The following UBN1 variants were observed in gnomAD, a reference collection of about 807,000 sequenced individuals.
UBN1 encodes the protein ubinuclein-1.
A neutral mutation model predicts 108.5 loss-of-function variants in UBN1; 17 were observed. The ratio of observed to expected loss-of-function variants is 0.16; its 90% CI spans 0.11 to 0.24. The LOEUF (loss-of-function observed/expected upper bound fraction) is 0.24. Among genes scored for constraint, UBN1 ranks in the 10% least tolerant of loss-of-function variants. UBN1 has a pLI of 1.00. For missense variants in UBN1, 1,595 were observed against 1,394.4 expected, an observed-to-expected ratio of 1.14 and a Z score of -2.29; for synonymous variants, 726 against 564.2, an observed-to-expected ratio of 1.29 and a Z score of -4.07.
rs1231240985 is a variant in UBN1, at chr16:4,875,351, A to G, written c.2941A>G (p.Thr981Ala). The change falls in exon 15 of 18, where the codon ACC becomes GCC. Residue 981 changes from threonine (T) to alanine (A), a missense_variant. By Grantham distance (58) the Thr-to-Ala change is moderately conservative. Around this residue, in one of 3 missense-constraint regions of UBN1, gnomAD observed 1,398 missense variants for 1,194.7 expected, o/e 1.17. Coordinates refer to ENST00000262376, the MANE Select transcript of UBN1 (RefSeq NM_001079514.3). ...TCCAAACGGAGATTCCAGTGGTGGG[A>G]CCCAGGGAGTGGCAAAGTTGCTGAC... ...GGPNGDSSGG[T>A]QGVAKLLTSP... The G allele has an allele frequency of 1.2e-6, 2 of 1,614,152 alleles. No homozygotes were observed. Among genetic ancestry groups the G allele is most frequent in the Non-Finnish European group, 1.7e-6 (2 of 1,180,026 alleles).
chr16:4,870,308 C>G lies in UBN1; in HGVS notation c.1278C>G (p.Leu426=), dbSNP rs1303778040. ...SFLPCSKDAL[L]KRARKLHLYE... is the part of the protein sequence containing the mutation. ...TGCCCTGCAGCAAGGATGCCCTGCT[C>G]AAGCGTGCTCGGAAACTTCACCTCT... is the stretch of plus-strand genomic sequence containing the variant. The change falls in exon 9 of 18, where the codon CTC becomes CTG. Residue 426 remains leucine (L), a synonymous_variant. Coordinates refer to ENST00000262376, the MANE Select transcript of UBN1 (RefSeq NM_001079514.3). 1 of 1,614,210 alleles carries G rather than the reference C, an allele frequency of 6.2e-7. No homozygotes were observed. Among genetic ancestry groups the G allele is most frequent in the Non-Finnish European group, 8.5e-7 (1 of 1,180,036 alleles).
At position 4,877,459 on chromosome 16, in the gene UBN1, C is replaced by A; in HGVS notation, c.3340C>A (p.Pro1114Thr). The part of the protein sequence containing the change: ...LPHAAVPTHI[P>T]QSLPGASQLH... ...ACACGCTGCGGTGCCCACCCATATC[C>A]CGCAGAGTCTGCCAGGTAATCACCC... Residue 1114 changes from proline to threonine, a missense_variant, in exon 17 of 18, where the codon CCG becomes ACG. Around this residue, in one of 3 missense-constraint regions of UBN1, gnomAD observed 1,398 missense variants for 1,194.7 expected, o/e 1.17. Transcript: ENST00000262376. This position sits in a 1 kb window ranked among gnomAD's most constrained non-coding sequence, Gnocchi z 4.3. 2 of 1,611,120 alleles carry A rather than the reference C, an allele frequency of 1.2e-6. No individual in the cohort carries two copies. The highest frequency in any genetic ancestry group is 1.7e-6 in the Non-Finnish European group (2 of 1,179,390).
rs2087562196 is a variant in UBN1, at chr16:4,870,309, A to C, written c.1279A>C (p.Lys427Gln). The part of the protein sequence containing the change: ...FLPCSKDALL[K>Q]RARKLHLYEQ... The stretch of plus-strand genomic sequence containing the variant: ...GCCCTGCAGCAAGGATGCCCTGCTC[A>C]AGCGTGCTCGGAAACTTCACCTCTA... The change falls in exon 9 of 18, where the codon AAG becomes CAG. Residue 427 changes from lysine (K) to glutamine (Q), a missense_variant. Around this residue, in one of 3 missense-constraint regions of UBN1, gnomAD observed 1,398 missense variants for 1,194.7 expected, o/e 1.17. Transcript: ENST00000262376. 6.2e-7 allele frequency: 1 copy of C among 1,614,168 alleles called. No homozygotes were observed. Among genetic ancestry groups the C allele is most frequent in the South Asian group, 1.1e-5 (1 of 91,080 alleles).
At chr16:4,871,635 G>A (rs2087641596) in intron 12 of UBN1, among the ~76,000 whole-genome samples, 1 of 136,864 alleles carries the variant, frequency 7.3e-6, no homozygotes, top group South Asian at 2.3e-4. Flanking sequence ...TGCCTGGGCT[G>A]GAGTGCAGTG....
intron 17 of UBN1, 23 bp from the exon 18 acceptor site, chr16:4,880,060 T>A: frequency 1.2e-6 from 2 of 1,613,932 alleles, no homozygotes; most frequent in Non-Finnish European, 1.7e-6. Context: ...ACTTGCGTTC[T>A]AATTTTTCTT....
chr16:4,876,867 C>G lies in UBN1; in HGVS notation c.3025-4C>G. On this transcript the variant is annotated splice_region_variant and splice_polypyrimidine_tract_variant and intron_variant, in intron 15 of 17. Transcript: ENST00000262376. ...TCTTACCGCTTGCTGTGTTTCTTCCCTAGAAAGGAGCGAGTGGGACTGTGC... is the reference window on the plus strand; with the variant it reads ...TCTTACCGCTTGCTGTGTTTCTTCCGTAGAAAGGAGCGAGTGGGACTGTGC... The G allele has an allele frequency of 1.9e-6, 3 of 1,579,520 alleles. No homozygotes were observed. Among genetic ancestry groups the G allele is most frequent in the Middle Eastern group, 1.7e-4 (1 of 5,878 alleles).
At chr16:4,859,841 CTG>C (rs1454534995) in intron 5 of UBN1, 22 bp from the exon 6 acceptor site, 2 of 1,613,498 alleles carry the variant, frequency 1.2e-6, no homozygotes, top group South Asian at 1.1e-5. Context: ...AGCCGTGTAA[CTG>C]TGCCTTGTCT....
rs1205766640 is a variant in UBN1 at position 4,865,953 on chromosome 16, C to G, written c.1111-2880C>G. Among the ~76,000 whole-genome samples, 2 of 152,088 alleles carry G rather than the reference C, an allele frequency of 1.3e-5. 1 individual carries two copies. Among genetic ancestry groups the G allele is most frequent in the South Asian group, 4.1e-4 (2 of 4,820 alleles). ...CTCCAGCCTGGGCAACAGAACAAGA[C>G]TCCGTCTCAAAAACTAAACTAAAAT... On this transcript the variant is annotated intron_variant, in intron 7 of 17. Transcript: ENST00000262376.
chr16:4,874,162 T>C (rs148380899), intron 14 of UBN1, 49 bp from the exon 15 acceptor site: 1 of 1,505,752 alleles, frequency 6.6e-7, no homozygotes, highest in Non-Finnish European at 8.8e-7. Flanking sequence ...CAGGCCAATG[T>C]TGGCATCTTT....
chr16:4,868,811 G>C (rs367995943), intron 7 of UBN1, 22 bp from the exon 8 acceptor site: 1 of 1,612,786 alleles, frequency 6.2e-7, no homozygotes, highest in African/African-American at 1.3e-5. Context: ...ACTAACGGCT[G>C]TTACTGTCTG....
At chr16:4,861,699 T>C (rs1172613866) in intron 7 of UBN1, among the ~76,000 whole-genome samples, 1 of 152,222 alleles carries the variant, frequency 6.6e-6, no homozygotes, top group Non-Finnish European at 1.5e-5. Flanking sequence ...CCCAGCACTT[T>C]GGGAGGCCGA....
At chr16:4,868,666 T>C (rs1169088374) in intron 7 of UBN1, among the ~76,000 whole-genome samples, 167 bp from the exon 8 acceptor site, 1 of 152,158 alleles carries the variant, frequency 6.6e-6, no homozygotes, top group African/African-American at 2.4e-5. Flanking sequence ...AAGAGAATAT[T>C]GATCGCAGGC....
intron 7 of UBN1, among the ~76,000 whole-genome samples, chr16:4,867,720 G>A (rs2087405175): frequency 6.6e-6 from 1 of 152,170 alleles, no homozygotes; most frequent in Non-Finnish European, 1.5e-5. Flanking sequence ...AGCAGTTAGA[G>A]TGGTTGGAAG....
chr16:4,869,599 G>T (rs1225742148), intron 8 of UBN1, among the ~76,000 whole-genome samples: 1 of 152,210 alleles, frequency 6.6e-6, no homozygotes, highest in African/African-American at 2.4e-5. Flanking sequence ...TCTACCACAT[G>T]GCCTCGCCTG....
chr16:4,868,592 T>C (rs144369121), intron 7 of UBN1, among the ~76,000 whole-genome samples: 2,096 of 152,302 alleles, frequency 0.014, 43 homozygotes, highest in African/African-American at 0.047. Context: ...TGATTTTCTT[T>C]TCTGTGACTG....
At chr16:4,855,148 G>A (rs2086742784) in intron 2 of UBN1, among the ~76,000 whole-genome samples, 1 of 152,148 alleles carries the variant, frequency 6.6e-6, no homozygotes, top group East Asian at 1.9e-4. Context: ...ATGGGGATGA[G>A]GCTGGTAATT....
intron 2 of UBN1, among the ~76,000 whole-genome samples, chr16:4,854,340 TTTG>T (rs35003213): frequency 1.4e-4 from 21 of 148,538 alleles, no homozygotes; most frequent in East Asian, 4.0e-4. Flanking sequence ...GCCTCTCTTT[TTTG>T]TTGTTGTTGT....
At chr16:4,864,700 C>G (rs944913690) in intron 7 of UBN1, among the ~76,000 whole-genome samples, 7 of 152,108 alleles carry the variant, frequency 4.6e-5, no homozygotes, top group Non-Finnish European at 7.3e-5. Flanking sequence ...ACAAATAACC[C>G]AGATCTATTT....
At chr16:4,859,593 T>G (rs934020951) in intron 5 of UBN1, among the ~76,000 whole-genome samples, 2 of 152,212 alleles carry the variant, frequency 1.3e-5, no homozygotes, top group Non-Finnish European at 2.9e-5. Flanking sequence ...GTGTTTAAGA[T>G]GAGAGGTAGG....
Sources: allele counts gnomAD v4.1 joint callset (sites outside exome capture counted in the v4.1 genomes callset), GRCh38; gene constraint gnomAD v4.1.1; regional missense constraint gnomAD v4.1.1; non-coding constraint Gnocchi (gnomAD v3.1); transcripts MANE v1.5; gene names NCBI Gene and HGNC (gene_info 2026-07-23, HGNC 2026-07-21).